The following AGBL1 variants were observed in gnomAD, a reference collection of about 807,000 sequenced individuals.
AGBL1 encodes cytosolic carboxypeptidase 4.
AGBL1 carries 130 observed loss-of-function variants against 118.9 expected under a neutral mutation model. The ratio of observed to expected loss-of-function variants is 1.09; its 90% CI spans 0.95 to 1.26. The LOEUF (loss-of-function observed/expected upper bound fraction) is 1.26. AGBL1 is among the 50% of genes most tolerant of loss of function. AGBL1 has a pLI of 0.00. For synonymous variants in AGBL1, 555 were observed against 478.9 expected, an observed-to-expected ratio of 1.16 and a Z score of -2.08; for missense variants, 1,584 against 1,298.1, an observed-to-expected ratio of 1.22 and a Z score of -3.38.
intron 18 of AGBL1, among the ~76,000 whole-genome samples, chr15:86,517,199 T>C (rs1367277757): frequency 6.6e-6 from 1 of 152,224 alleles, no homozygotes; most frequent in Admixed American, 6.5e-5. Context: ...TCTGGAAGCA[T>C]GGTGGCAATA....
intron 23 of AGBL1, among the ~76,000 whole-genome samples, chr15:86,983,079 T>G (rs1406005051): frequency 6.6e-6 from 1 of 152,204 alleles, no homozygotes; most frequent in Non-Finnish European, 1.5e-5. Context: ...GTTTTTGTTT[T>G]GTTTTTGTTG....
intron 18 of AGBL1, among the ~76,000 whole-genome samples, chr15:86,468,786 T>C (rs1184764017): frequency 6.6e-6 from 1 of 152,156 alleles, no homozygotes; most frequent in African/African-American, 2.4e-5. Context: ...AAGAGTGTTT[T>C]GTAGGATAGA....
intron 24 of AGBL1, among the ~76,000 whole-genome samples, chr15:87,010,626 C>A (rs538359818): frequency 5.3e-5 from 8 of 152,288 alleles, no homozygotes; most frequent in African/African-American, 1.9e-4. Context: ...TCCCCTGCTC[C>A]CCATCCTGGA....
chr15:86,589,179 C>A (rs2084298341), intron 21 of AGBL1, among the ~76,000 whole-genome samples: 1 of 151,966 alleles, frequency 6.6e-6, no homozygotes, highest in South Asian at 2.1e-4. Context: ...GATGTCAGAG[C>A]CCCGGCATCA....
intron 16 of AGBL1, among the ~76,000 whole-genome samples, chr15:86,287,345 C>A (rs1436366179): frequency 6.6e-6 from 1 of 152,044 alleles, no homozygotes; most frequent in Non-Finnish European, 1.5e-5. Flanking sequence ...TATGCAGATG[C>A]CTTTTAGTTT....
intron 5 of AGBL1, among the ~76,000 whole-genome samples, chr15:86,180,125 T>C (rs1379456183): frequency 6.6e-6 from 1 of 152,122 alleles, no homozygotes. Flanking sequence ...TTCCTTAAAT[T>C]GATCTATAGA....
At position 86,260,002 on chromosome 15, in the gene AGBL1, C is replaced by G. The variant is rs2078956996; in HGVS notation, c.969+1971C>G. ...TAAACAAATAAATAAACTCAACTGG[C>G]AAAGAAGCACAAGACAAATTGGTAA... On this transcript the variant is annotated intron_variant, in intron 9 of 22. Coordinates refer to ENST00000614907, the MANE Select transcript of AGBL1 (RefSeq NM_001386094.1). 2.0e-5 allele frequency among the ~76,000 whole-genome samples: 3 copies of G among 152,170 alleles called. No homozygotes were observed. The South Asian group carries it at 6.2e-4, about 32-fold the overall frequency.
chr15:86,955,733 TAAC>T (rs376665635), intron 23 of AGBL1, among the ~76,000 whole-genome samples: 45 of 152,010 alleles, frequency 3.0e-4, no homozygotes, highest in African/African-American at 1.0e-3. Context: ...GAAAATAAAT[TAAC>T]AACCGGATTA....
chr15:86,954,720 C>A (rs767093036), intron 23 of AGBL1, among the ~76,000 whole-genome samples: 4 of 152,138 alleles, frequency 2.6e-5, no homozygotes, highest in Non-Finnish European at 5.9e-5. Context: ...CCCTGGGTGA[C>A]AAGATCCATT....
chr15:86,763,089 T>G (rs374527503), intron 22 of AGBL1, among the ~76,000 whole-genome samples: 1 of 151,948 alleles, frequency 6.6e-6, no homozygotes, highest in Non-Finnish European at 1.5e-5. Context: ...ATGTTTGGAG[T>G]TGCATTACTG....
At chr15:86,357,807 A>C (rs1000880472) in intron 17 of AGBL1, among the ~76,000 whole-genome samples, 2 of 152,238 alleles carry the variant, frequency 1.3e-5, no homozygotes, top group South Asian at 2.1e-4. Context: ...AAAATTAAAA[A>C]GTTGGCATTT....
At chr15:86,172,020 T>A (rs1035082193) in intron 5 of AGBL1, among the ~76,000 whole-genome samples, 1 of 152,160 alleles carries the variant, frequency 6.6e-6, no homozygotes, top group Non-Finnish European at 1.5e-5. Context: ...AATGTTAAAA[T>A]GGACTTTGGA....
intron 22 of AGBL1, among the ~76,000 whole-genome samples, chr15:86,716,452 G>T (rs1040830681): frequency 1.5e-4 from 23 of 152,174 alleles, no homozygotes; most frequent in African/African-American, 5.3e-4. Flanking sequence ...TTTCTTCCCA[G>T]TTTGATCTGT....
At chr15:86,314,353 T>C (rs1160674426) in intron 17 of AGBL1, among the ~76,000 whole-genome samples, 2 of 152,156 alleles carry the variant, frequency 1.3e-5, no homozygotes, top group South Asian at 4.1e-4. Flanking sequence ...TCCTTTAGAG[T>C]GCCAGCCTGG....
chr15:86,862,489 G>A (rs2079571999), intron 22 of AGBL1, among the ~76,000 whole-genome samples: 1 of 152,174 alleles, frequency 6.6e-6, no homozygotes, highest in South Asian at 2.1e-4. Flanking sequence ...GGAGGCCGAG[G>A]CGGGCGGATC....
At chr15:87,008,621 A>G (rs955211801) in intron 24 of AGBL1, among the ~76,000 whole-genome samples, 2 of 152,218 alleles carry the variant, frequency 1.3e-5, no homozygotes, top group Non-Finnish European at 2.9e-5. Context: ...GGGTTGGAAC[A>G]GTTTGAAGGG....
At chr15:86,857,654 C>T (rs1384640064) in intron 22 of AGBL1, among the ~76,000 whole-genome samples, 1 of 152,162 alleles carries the variant, frequency 6.6e-6, no homozygotes, top group Non-Finnish European at 1.5e-5. Context: ...TAGTCATTTG[C>T]TGTTTTTATA....
chr15:86,524,309 A>T (rs921565279), intron 19 of AGBL1, among the ~76,000 whole-genome samples: 1 of 152,134 alleles, frequency 6.6e-6, no homozygotes, highest in African/African-American at 2.4e-5. Context: ...CCTTAGAAGG[A>T]CTCACAGGAC....
intron 17 of AGBL1, among the ~76,000 whole-genome samples, chr15:86,366,106 G>GT (rs1478429890): frequency 6.6e-6 from 1 of 152,038 alleles, no homozygotes; most frequent in Non-Finnish European, 1.5e-5. Context: ...TATTAAATGT[G>GT]TTTTTTTCTG....
Sources: allele counts gnomAD v4.1 joint callset (sites outside exome capture counted in the v4.1 genomes callset), GRCh38; gene constraint gnomAD v4.1.1; transcripts MANE v1.5; gene names NCBI Gene and HGNC (gene_info 2026-07-23, HGNC 2026-07-21).